Variants in KCNH7 observed in about 807,000 individuals in gnomAD.
KCNH7 encodes the protein potassium voltage-gated channel subfamily H member 7, also known as voltage-gated inwardly rectifying potassium channel KCNH7.
In KCNH7, 49 loss-of-function variants were observed where a neutral mutation model predicts 120.8. The observed-to-expected ratio is 0.41, with a 90% CI of 0.32 to 0.51. The LOEUF (loss-of-function observed/expected upper bound fraction) is 0.51, where lower values mean the gene tolerates loss of function less well. Ranked by LOEUF, KCNH7 falls within the 20% of genes least tolerant of loss-of-function variation. KCNH7 has a pLI of 0.38. For missense variants in KCNH7, 1,097 were observed against 1,446.6 expected, an observed-to-expected ratio of 0.76 and a Z score of 3.92; for synonymous variants, 547 against 516.1, an observed-to-expected ratio of 1.06 and a Z score of -0.81.
intron 8 of KCNH7, among the ~76,000 whole-genome samples, chr2:162,427,635 A>G (rs944025172): frequency 6.6e-6 from 1 of 151,884 alleles, no homozygotes; most frequent in Non-Finnish European, 1.5e-5. Flanking sequence ...ATTTTCTTCC[A>G]GTCTACCATT....
chr2:162,546,770 G>T (rs1281322736), intron 2 of KCNH7, among the ~76,000 whole-genome samples: 1 of 152,012 alleles, frequency 6.6e-6, no homozygotes, highest in African/African-American at 2.4e-5. Flanking sequence ...TAACAAGAAT[G>T]GGTTAGGTAC....
Position 162,777,499 on chromosome 2 carries a change from C to G in KCNH7, c.307+59038G>C, listed in dbSNP as rs531124139. Among the ~76,000 whole-genome samples, 8 of 152,248 alleles carry G rather than the reference C, an allele frequency of 5.3e-5. No homozygotes were observed. In the South Asian group the frequency reaches 1.5e-3, roughly 28 times the overall value. On this transcript the variant is annotated intron_variant, in intron 2 of 15. Transcript: ENST00000332142. ...CCACTGATACAGAGTGCTGACTGTA[C>G]TTTCTACTTATGGTAGTAAAAGTGT...
intron 2 of KCNH7, among the ~76,000 whole-genome samples, chr2:162,595,386 A>C (rs1032222622): frequency 6.6e-6 from 1 of 152,052 alleles, no homozygotes; most frequent in African/African-American, 2.4e-5. Flanking sequence ...TGGGGATTAC[A>C]GTTCAATATG....
rs139898667 is a variant in KCNH7, at chr2:162,748,180, T to C, written c.307+88357A>G. ...TGGGACCTCATTATTTCATAGCCCT[T>C]GGGGAAATCCTGTGGGGTACCCAGA... On this transcript the variant is annotated intron_variant, in intron 2 of 15. Coordinates refer to ENST00000332142, the MANE Select transcript of KCNH7 (RefSeq NM_033272.4). Among the ~76,000 whole-genome samples, 91 of 152,302 alleles carry C rather than the reference T, an allele frequency of 6.0e-4. 1 individual carries two copies. The highest frequency in any genetic ancestry group is 2.2e-3 in the African/African-American group (90 of 41,558).
chr2:162,588,632 T>A (rs943433947), intron 2 of KCNH7, among the ~76,000 whole-genome samples: 2 of 152,120 alleles, frequency 1.3e-5, no homozygotes, highest in Non-Finnish European at 2.9e-5. Flanking sequence ...TTGTACATAT[T>A]TATGGGGTAC....
chr2:162,541,733 T>A (rs1167390620), intron 2 of KCNH7, among the ~76,000 whole-genome samples: 2 of 151,864 alleles, frequency 1.3e-5, no homozygotes, highest in Non-Finnish European at 2.9e-5. Flanking sequence ...GAATAGCTAA[T>A]GAATGCTGGG....
At chr2:162,457,701 G>A (rs1689014782) in intron 6 of KCNH7, among the ~76,000 whole-genome samples, 1 of 152,180 alleles carries the variant, frequency 6.6e-6, no homozygotes, top group South Asian at 2.1e-4. Flanking sequence ...CCATGATGAG[G>A]TGTTGGTTGA....
At chr2:162,538,601 A>T (rs1430855150) in intron 2 of KCNH7, among the ~76,000 whole-genome samples, 1 of 152,140 alleles carries the variant, frequency 6.6e-6, no homozygotes, top group East Asian at 1.9e-4. Context: ...CCAAATGGTG[A>T]CCTATGTAAG....
intron 7 of KCNH7, among the ~76,000 whole-genome samples, chr2:162,445,114 G>T (rs60868361): frequency 3.4e-4 from 52 of 152,190 alleles, no homozygotes; most frequent in African/African-American, 1.2e-3. Context: ...AAAATCTTTT[G>T]GTTCCCCTTG....
At chr2:162,450,583 T>TAATC (rs1553477703) in intron 6 of KCNH7, among the ~76,000 whole-genome samples, 1 of 152,092 alleles carries the variant, frequency 6.6e-6, no homozygotes, top group Non-Finnish European at 1.5e-5. Context: ...TGTTATTAGG[T>TAATC]AATCATCTTA....
At chr2:162,775,006 G>A (rs1385537733) in intron 2 of KCNH7, among the ~76,000 whole-genome samples, 1 of 152,098 alleles carries the variant, frequency 6.6e-6, no homozygotes, top group African/African-American at 2.4e-5. Flanking sequence ...ACAGTGATGA[G>A]CAGCATTGTA....
chr2:162,642,770 T>A (rs1022229125), intron 2 of KCNH7, among the ~76,000 whole-genome samples: 1 of 152,202 alleles, frequency 6.6e-6, no homozygotes, highest in Non-Finnish European at 1.5e-5. Context: ...ATCCACATCA[T>A]CATGCAGCTG....
chr2:162,452,676 C>G (rs1273620432), intron 6 of KCNH7, among the ~76,000 whole-genome samples: 1 of 152,032 alleles, frequency 6.6e-6, no homozygotes, highest in African/African-American at 2.4e-5. Flanking sequence ...TAAAATACAG[C>G]CACATTTCAG....
Position 162,379,841 on chromosome 2 carries a change from C to A in KCNH7, c.3131+12G>T. 1 of 1,612,968 alleles carries A rather than the reference C, an allele frequency of 6.2e-7. No individual in the cohort carries two copies. Among genetic ancestry groups the A allele is most frequent in the Non-Finnish European group, 8.5e-7 (1 of 1,179,378 alleles). On this transcript the variant is annotated intron_variant, in intron 14 of 15. Transcript: ENST00000332142. ...TGGGTTATGTTCTCCTTTTGCCCAT[C>A]ACTGCTTATACCTGTTAAGTTGCTC...
At chr2:162,610,161 A>G (rs1191872235) in intron 2 of KCNH7, among the ~76,000 whole-genome samples, 1 of 152,254 alleles carries the variant, frequency 6.6e-6, no homozygotes, top group East Asian at 1.9e-4. Context: ...TATTCATTCA[A>G]CATCATATTG....
intron 2 of KCNH7, among the ~76,000 whole-genome samples, chr2:162,734,819 G>A (rs1374045611): frequency 6.6e-6 from 1 of 152,078 alleles, no homozygotes; most frequent in Non-Finnish European, 1.5e-5. Context: ...ACTTGACAGT[G>A]ATTTTTCTTG....
Position 162,446,384 on chromosome 2 carries a change from G to A in KCNH7, c.1188C>T (p.Asn396=). Residue 396 remains asparagine (N), a synonymous_variant, in exon 7 of 16, where the codon AAC becomes AAT. Transcript: ENST00000332142. ...PEYKLQTPRI[N]KFTILHYSPF... ...GGCTGTAGTGCAATATCGTAAACTT[G>A]TTGATGCGTGGTGTCTGCAGTTTGT... is the stretch of plus-strand genomic sequence containing the variant. The A allele has an allele frequency of 6.2e-7, 1 of 1,613,696 alleles. No homozygotes were observed. Among genetic ancestry groups the A allele is most frequent in the Non-Finnish European group, 8.5e-7 (1 of 1,179,744 alleles).
intron 2 of KCNH7, among the ~76,000 whole-genome samples, chr2:162,725,014 G>A (rs1034594924): frequency 2.0e-5 from 3 of 152,304 alleles, no homozygotes; most frequent in East Asian, 1.9e-4. Flanking sequence ...GCTTGCTGAT[G>A]AGAATATTTC....
chr2:162,463,603 A>G (rs1401645543), intron 6 of KCNH7, among the ~76,000 whole-genome samples: 1 of 151,978 alleles, frequency 6.6e-6, no homozygotes, highest in Admixed American at 6.6e-5. Flanking sequence ...GATGGCTAAA[A>G]TGTGACCCAC....
Sources: allele counts gnomAD v4.1 joint callset (sites outside exome capture counted in the v4.1 genomes callset), GRCh38; gene constraint gnomAD v4.1.1; transcripts MANE v1.5; gene names NCBI Gene and HGNC (gene_info 2026-07-23, HGNC 2026-07-21).